Variants in STEAP3 observed in about 807,000 individuals in gnomAD.
The protein encoded by STEAP3 is metalloreductase STEAP3.
In STEAP3, 35 loss-of-function variants were observed where a neutral mutation model predicts 34.9. The ratio of observed to expected loss-of-function variants is 1.00; its 90% CI spans 0.76 to 1.33. STEAP3 has a LOEUF of 1.33. Among genes scored for constraint, STEAP3 ranks in the 40% most tolerant of loss-of-function variants. The pLI, the probability that STEAP3 is intolerant of heterozygous loss-of-function variation, is 0.00. For missense variants in STEAP3, 652 were observed against 667.6 expected, an observed-to-expected ratio of 0.98 and a Z score of 0.26; for synonymous variants, 281 against 301.6, an observed-to-expected ratio of 0.93 and a Z score of 0.71.
intron 2 of STEAP3, among the ~76,000 whole-genome samples, chr2:119,235,330 C>G (rs1677063158): frequency 6.6e-6 from 1 of 152,184 alleles, no homozygotes; most frequent in Non-Finnish European, 1.5e-5. Context: ...AGCTCAGAGA[C>G]AGCATGGATA....
At chr2:119,262,922 T>A (rs1677985061) in intron 5 of STEAP3, 135 bp from the exon 6 acceptor site, 18 of 1,145,302 alleles carry the variant, frequency 1.6e-5, no homozygotes, top group Admixed American at 4.0e-5. Context: ...GTGACAGGAC[T>A]GGGGTTCCAA....
chr2:119,255,587 C>T (rs1677751502), intron 5 of STEAP3, among the ~76,000 whole-genome samples: 1 of 151,782 alleles, frequency 6.6e-6, no homozygotes, highest in African/African-American at 2.4e-5. Context: ...TTCCAAATAA[C>T]AGCTATCAGC....
chr2:119,227,665 C>A (rs925404325), intron 1 of STEAP3, among the ~76,000 whole-genome samples: 3 of 152,056 alleles, frequency 2.0e-5, no homozygotes, highest in Admixed American at 2.0e-4. Context: ...AAGCCGACTT[C>A]GGTACATATA....
At chr2:119,257,512 C>A in intron 5 of STEAP3, 1 of 1,545,490 alleles carries the variant, frequency 6.5e-7, no homozygotes, top group Non-Finnish European at 8.7e-7. Flanking sequence ...AGACCTGAAT[C>A]TCAGTCCCAA....
In STEAP3 at chr2:119,230,932, G is replaced by A; in HGVS notation, c.-81G>A. 4 of 1,592,350 alleles carry A rather than the reference G, an allele frequency of 2.5e-6. No individual in the cohort carries two copies. Among genetic ancestry groups the A allele is most frequent in the African/African-American group, 1.3e-5 (1 of 74,694 alleles). On this transcript the variant is annotated 5_prime_UTR_variant, in exon 2 of 6. Coordinates refer to ENST00000393110, the MANE Select transcript of STEAP3 (RefSeq NM_182915.3). ...AACCAAAGCCAGGCTGTCCTGGTTGGAGACTGAGCCAGAAAGGGTGGCTCA... is the reference window on the plus strand; with the variant it reads ...AACCAAAGCCAGGCTGTCCTGGTTGAAGACTGAGCCAGAAAGGGTGGCTCA...
chr2:119,248,096 C>G lies in STEAP3; in HGVS notation c.940C>G (p.Gln314Glu). 1 of 1,608,580 alleles carries G rather than the reference C, an allele frequency of 6.2e-7. No individual in the cohort carries two copies. Among genetic ancestry groups the G allele is most frequent in the Admixed American group, 1.7e-5 (1 of 60,006 alleles). ...GGACCACTGGCTACAGCACCGCAAGCAGATCGGGCTGCTCAGCTTCTTCTG... is the reference window on the plus strand; with the variant it reads ...GGACCACTGGCTACAGCACCGCAAGGAGATCGGGCTGCTCAGCTTCTTCTG... ...WLDHWLQHRK[Q>E]IGLLSFFCAA... The change falls in exon 4 of 6, where the codon CAG becomes GAG. Residue 314 changes from glutamine (Q) to glutamate (E), a missense_variant. Gln to Glu is a conservative substitution (Grantham distance 29). Transcript: ENST00000393110.
intron 5 of STEAP3, among the ~76,000 whole-genome samples, chr2:119,257,272 C>T (rs139784769): frequency 1.3e-5 from 2 of 152,268 alleles, no homozygotes; most frequent in Non-Finnish European, 2.9e-5. Flanking sequence ...CGTTGTCTAC[C>T]GGACAGCAGA....
intron 2 of STEAP3, among the ~76,000 whole-genome samples, chr2:119,243,550 T>TGA (rs997596103): frequency 2.1e-4 from 32 of 152,304 alleles, no homozygotes; most frequent in Admixed American, 1.8e-3. Context: ...GGGGTTCTTG[T>TGA]GAGGACCAGA....
At chr2:119,256,826 G>A (rs1472296481) in intron 5 of STEAP3, among the ~76,000 whole-genome samples, 3 of 152,218 alleles carry the variant, frequency 2.0e-5, no homozygotes, top group Non-Finnish European at 4.4e-5. Context: ...TGTGGGCAGA[G>A]CATGTCTGCT....
chr2:119,259,114 T>A (rs1428506288), intron 5 of STEAP3, among the ~76,000 whole-genome samples: 1 of 152,166 alleles, frequency 6.6e-6, no homozygotes, highest in African/African-American at 2.4e-5. Flanking sequence ...GAACTGCCTG[T>A]GACCTTGCCC....
intron 1 of STEAP3, among the ~76,000 whole-genome samples, chr2:119,226,879 C>T (rs1558739744): frequency 6.6e-6 from 1 of 152,186 alleles, no homozygotes; most frequent in African/African-American, 2.4e-5. Context: ...TAATGTTATT[C>T]TCCCAACCAT....
intron 5 of STEAP3, among the ~76,000 whole-genome samples, chr2:119,258,774 A>ATTTTTTTTTT (rs57860527): frequency 5.8e-4 from 70 of 120,986 alleles, no homozygotes; most frequent in Middle Eastern, 4.5e-3. Flanking sequence ...CACCTGGCTA[A>ATTTTTTTTTT]TTTTTTTTTT....
intron 5 of STEAP3, among the ~76,000 whole-genome samples, chr2:119,262,335 T>TAC (rs3054837): frequency 0.32 from 48,118 of 150,054 alleles, 8,322 homozygotes; most frequent in East Asian, 0.64. Context: ...GTAAAATTTA[T>TAC]ACACACACAC....
At position 119,247,834 on chromosome 2, in the gene STEAP3, C is replaced by G. The variant is rs1043332856; in HGVS notation, c.678C>G (p.Thr226=). Reference sequence around the variant, plus strand: ...TCCTCCCGGCCTGGAAGGTGCCCACCCTGCTGGCCCTGGGGCTCTTCGTCT... The same window carrying G: ...TCCTCCCGGCCTGGAAGGTGCCCACGCTGCTGGCCCTGGGGCTCTTCGTCT... The part of the protein sequence containing the change: ...LRLLPAWKVP[T]LLALGLFVCF... The change falls in exon 4 of 6, where the codon ACC becomes ACG. Residue 226 remains threonine, a synonymous_variant. Transcript: ENST00000393110. The G allele has an allele frequency of 4.3e-6, 7 of 1,613,280 alleles. No homozygotes were observed. The highest frequency in any genetic ancestry group is 5.9e-6 in the Non-Finnish European group (7 of 1,180,004).
At position 119,264,285 on chromosome 2, in the gene STEAP3, G is replaced by T. The variant is rs562939158; in HGVS notation, c.*947G>T. On this transcript the variant is annotated 3_prime_UTR_variant, in exon 6 of 6. Coordinates refer to ENST00000393110, the MANE Select transcript of STEAP3 (RefSeq NM_182915.3). ...AGAGCAAGAGAAAACACTCTAGGGA[G>T]TAAAGCTCCCCGGGCGTCAGAGTTG... is the stretch of plus-strand genomic sequence containing the variant. The T allele has an allele frequency of 6.6e-6, 1 of 152,634 alleles. No individual in the cohort carries two copies. The highest frequency in any genetic ancestry group is 1.9e-4 in the East Asian group (1 of 5,190). 9.5% of individuals were successfully genotyped at this position (152,634 alleles called of 1,614,324 possible).
intron 5 of STEAP3, 30 bp downstream of exon 5, chr2:119,254,878 T>C (rs750357024): frequency 6.2e-7 from 1 of 1,607,398 alleles, no homozygotes; most frequent in Non-Finnish European, 8.5e-7. Context: ...GCCAGCCAGC[T>C]TCAGCGTGGC....
rs540513462 is a variant in STEAP3 at position 119,237,777 on chromosome 2, G to A, written c.22+6743G>A. On this transcript the variant is annotated intron_variant, in intron 2 of 5. Coordinates refer to ENST00000393110, the MANE Select transcript of STEAP3 (RefSeq NM_182915.3). ...ACTGAGCTATGCCTCACATCACCACGCAATTCACCCATTCAAATGGTGAGT... is the reference window on the plus strand; with the variant it reads ...ACTGAGCTATGCCTCACATCACCACACAATTCACCCATTCAAATGGTGAGT... 5.3e-5 allele frequency among the ~76,000 whole-genome samples: 8 copies of A among 152,228 alleles called. No homozygotes were observed. The East Asian group carries it at 1.2e-3, about 22-fold the overall frequency.
intron 5 of STEAP3, among the ~76,000 whole-genome samples, chr2:119,262,215 C>T (rs1677962126): frequency 6.6e-6 from 1 of 152,118 alleles, no homozygotes; most frequent in African/African-American, 2.4e-5. Context: ...AAAATCAATC[C>T]ACTTTTTGTC....
intron 2 of STEAP3, among the ~76,000 whole-genome samples, chr2:119,235,582 A>G (rs1677071965): frequency 6.6e-6 from 1 of 152,348 alleles, no homozygotes; most frequent in African/African-American, 2.4e-5. Context: ...ATATGTTTTC[A>G]TCAGTCCTCC....
Sources: gnomAD v4.1 joint callset for allele counts (sites outside exome capture counted in the v4.1 genomes callset) on GRCh38, gnomAD v4.1.1 for gene constraint, MANE v1.5 for transcripts, NCBI Gene and HGNC (gene_info 2026-07-23, HGNC 2026-07-21) for gene names.